Variants in FAM124B observed in about 807,000 individuals in gnomAD.
FAM124B encodes family with sequence similarity 124 member B.
A neutral mutation model predicts 19.7 loss-of-function variants in FAM124B; 18 were observed. The ratio of observed to expected loss-of-function variants is 0.92; its 90% confidence interval spans 0.63 to 1.36. FAM124B has a LOEUF of 1.36. Among genes scored for constraint, FAM124B ranks in the 40% most tolerant of loss-of-function variants. The probability of loss-of-function intolerance (pLI) is 0.00; values close to 1 mark genes in which losing one functional copy is unlikely to be tolerated. For missense variants in FAM124B, 540 were observed against 553.3 expected (o/e 0.98, Z 0.24); for synonymous variants, 223 against 225.2 (o/e 0.99, Z 0.09).
At chr2:224,397,052 C>T (rs897166882) in intron 1 of FAM124B, among the ~76,000 whole-genome samples, 5 of 152,144 alleles carry the variant, frequency 3.3e-5, no homozygotes, top group Non-Finnish European at 7.3e-5. Flanking sequence ...CTCTTCTCTC[C>T]TCTTTTCTTC....
chr2:224,386,088 C>G (rs1689797223), intron 1 of FAM124B, among the ~76,000 whole-genome samples: 1 of 152,164 alleles, frequency 6.6e-6, no homozygotes, highest in Admixed American at 6.5e-5. Flanking sequence ...CATCGTCCTG[C>G]TTCAATGATG....
Position 224,379,868 on chromosome 2 carries a change from T to A in FAM124B, c.1073A>T (p.Glu358Val), listed in dbSNP as rs1411372302. 1 of 1,552,146 alleles carries A rather than the reference T, an allele frequency of 6.4e-7. No homozygotes were observed. The highest frequency in any genetic ancestry group is 2.0e-5 in the Admixed American group (1 of 51,010). Reference protein sequence around the residue: ...LNRENSFQKLEAETNVDTGLT... With the variant: ...LNRENSFQKLVAETNVDTGLT... ...GCCGGTGTCAACATTCGTCTCGGCC[T>A]CAAGCTTCTGAAAGCTGTTTTCCCG... is the stretch of plus-strand genomic sequence containing the variant. Residue 358 changes from glutamate (E) to valine (V), a missense_variant, in exon 2 of 2, where the codon GAG becomes GTG. Physicochemically the swap from Glu to Val is moderately radical, Grantham distance 121. Transcript: ENST00000409685.
intron 1 of FAM124B, among the ~76,000 whole-genome samples, chr2:224,384,096 G>A (rs992026358): frequency 6.6e-6 from 1 of 152,066 alleles, no homozygotes; most frequent in African/African-American, 2.4e-5. Context: ...GACATCTCAG[G>A]GCAGCCAGGA....
At chr2:224,400,919 A>G (rs1690057466) in intron 1 of FAM124B, 118 bp downstream of exon 1, 1 of 1,336,340 alleles carries the variant, frequency 7.5e-7, no homozygotes, top group South Asian at 1.6e-5. Context: ...AATTTATGAA[A>G]GACCCTAAGG....
intron 1 of FAM124B, among the ~76,000 whole-genome samples, chr2:224,381,967 T>TACAC (rs150639921): frequency 5.3e-5 from 8 of 151,128 alleles, no homozygotes; most frequent in Non-Finnish European, 1.0e-4. Flanking sequence ...CTCTCTCTCA[T>TACAC]ACACACACAC....
At chr2:224,381,354 G>C (rs1320116744) in intron 1 of FAM124B, among the ~76,000 whole-genome samples, 1 of 152,142 alleles carries the variant, frequency 6.6e-6, no homozygotes, top group Non-Finnish European at 1.5e-5. Flanking sequence ...TATTCAGAAG[G>C]CAGAAGAGGG....
rs1158750151 is a variant in FAM124B at position 224,393,027 on chromosome 2, A to G, written c.732+8010T>C. On this transcript the variant is annotated intron_variant, in intron 1 of 1. Coordinates refer to ENST00000409685, the MANE Select transcript of FAM124B (RefSeq NM_001122779.2). Reference sequence around the variant, plus strand: ...CCACCGTATCGAATAGCACAGATACAGAATATTTTCATCATCACAGAAAGT... The same window carrying G: ...CCACCGTATCGAATAGCACAGATACGGAATATTTTCATCATCACAGAAAGT... Among the ~76,000 whole-genome samples the G allele has an allele frequency of 2.0e-5, 3 of 152,276 alleles. No homozygotes were observed. The East Asian group carries it at 5.8e-4, about 29-fold the overall frequency.
chr2:224,397,154 A>C (rs545629618), intron 1 of FAM124B, among the ~76,000 whole-genome samples: 1 of 152,274 alleles, frequency 6.6e-6, no homozygotes, highest in Admixed American at 6.5e-5. Flanking sequence ...TCGTGGGAGG[A>C]ACCCAGTGGG....
intron 1 of FAM124B, among the ~76,000 whole-genome samples, chr2:224,385,669 C>A (rs898939268): frequency 6.6e-6 from 1 of 152,214 alleles, no homozygotes; most frequent in Non-Finnish European, 1.5e-5. Flanking sequence ...AAATCATCTG[C>A]ACCATGAACT....
chr2:224,389,288 G>T (rs1020110905), intron 1 of FAM124B, among the ~76,000 whole-genome samples: 1 of 152,182 alleles, frequency 6.6e-6, no homozygotes, highest in Admixed American at 6.5e-5. Flanking sequence ...CCAGGCAGGG[G>T]CATTTTAATT....
At chr2:224,399,911 C>T (rs533770617) in intron 1 of FAM124B, 2 of 152,208 alleles carry the variant, frequency 1.3e-5, no homozygotes, top group African/African-American at 4.8e-5. Flanking sequence ...TGCTAATTCT[C>T]GGGTGCCTTT....
At chr2:224,384,487 C>T (rs1381007749) in intron 1 of FAM124B, among the ~76,000 whole-genome samples, 3 of 152,212 alleles carry the variant, frequency 2.0e-5, no homozygotes, top group Non-Finnish European at 4.4e-5. Flanking sequence ...ATTTTCTGAA[C>T]ATGTGTTCAG....
chr2:224,400,459 T>C (rs906782480), intron 1 of FAM124B: 1 of 697,786 alleles, frequency 1.4e-6, no homozygotes, highest in Admixed American at 2.0e-5. Flanking sequence ...GGAGCTATGA[T>C]GGCACCACCG....
chr2:224,379,452 G>A lies in FAM124B; in HGVS notation c.*121C>T. The A allele has an allele frequency of 8.1e-7, 1 of 1,233,092 alleles. No homozygotes were observed. Among genetic ancestry groups the A allele is most frequent in the Non-Finnish European group, 1.1e-6 (1 of 912,566 alleles). The allele number at this position is 1,233,092 out of a possible 1,614,324, so 76.4% of individuals were successfully genotyped here. A position where few individuals can be genotyped will look rare whatever the true frequency, so the allele number is the denominator to read the frequency against. The stretch of plus-strand genomic sequence containing the variant: ...ATTTGAAATAAAATCAATACAGATT[G>A]TGCATGGGGAGCATTCAGCCCCCCT... On this transcript the variant is annotated 3_prime_UTR_variant, in exon 2 of 2. Coordinates refer to ENST00000409685, the MANE Select transcript of FAM124B (RefSeq NM_001122779.2).
chr2:224,384,826 T>C (rs1441733254), intron 1 of FAM124B, among the ~76,000 whole-genome samples: 1 of 152,144 alleles, frequency 6.6e-6, no homozygotes, highest in African/African-American at 2.4e-5. Context: ...AAGACTCCCA[T>C]CACCTCCCGC....
rs557244316 is a variant in FAM124B, at chr2:224,393,276, T to C, written c.732+7761A>G. On this transcript the variant is annotated intron_variant, in intron 1 of 1. Coordinates refer to ENST00000409685, the MANE Select transcript of FAM124B (RefSeq NM_001122779.2). ...ATACACAGGCATGAGTTTCAGCTCA[T>C]CCCTATGATTAAGTCAGGAAAAGCC... Among the ~76,000 whole-genome samples, 383 of 152,250 alleles carry C rather than the reference T, an allele frequency of 2.5e-3. 4 individuals are homozygous for C. The highest frequency in any genetic ancestry group is 8.9e-3 in the African/African-American group (371 of 41,546).
At chr2:224,386,930 T>C (rs1267175411) in intron 1 of FAM124B, among the ~76,000 whole-genome samples, 1 of 152,226 alleles carries the variant, frequency 6.6e-6, no homozygotes, top group Non-Finnish European at 1.5e-5. Flanking sequence ...ATGATTTTTA[T>C]TACTATGGCT....
chr2:224,399,999 T>C (rs1690036140), intron 1 of FAM124B: 2 of 152,898 alleles, frequency 1.3e-5, no homozygotes, highest in African/African-American at 4.8e-5. Context: ...GGAAAGGCAA[T>C]GCACGGCAGC....
At chr2:224,385,184 A>G (rs1689784180) in intron 1 of FAM124B, among the ~76,000 whole-genome samples, 1 of 152,036 alleles carries the variant, frequency 6.6e-6, no homozygotes, top group Non-Finnish European at 1.5e-5. Context: ...TTCTTACACC[A>G]CGCTGGTAAT....
Sources: allele counts gnomAD v4.1 joint callset (sites outside exome capture counted in the v4.1 genomes callset), GRCh38; gene constraint gnomAD v4.1.1; transcripts MANE v1.5; gene names NCBI Gene and HGNC (gene_info 2026-07-23, HGNC 2026-07-21).